HYCC2: variants seen among roughly 807,000 people sequenced by gnomAD.
HYCC2 encodes hyccin PI4KA lipid kinase complex subunit 2.
At chr2:200,985,506 C>CA in the HYCC2 span, among the ~76,000 whole-genome samples, 1 of 151,806 alleles carries the variant, frequency 6.6e-6, no homozygotes, top group Admixed American at 6.6e-5. Context: ...ACTAAAAATA[C>CA]AAAAAAACTA....
chr2:200,988,252 T>C, the HYCC2 span: 2 of 1,598,854 alleles, frequency 1.3e-6, no homozygotes, highest in Non-Finnish European at 1.7e-6. Context: ...TATGGGGATT[T>C]TGTACTCACC....
the HYCC2 span, among the ~76,000 whole-genome samples, chr2:201,055,567 T>G: frequency 6.6e-6 from 1 of 151,980 alleles, no homozygotes; most frequent in Non-Finnish European, 1.5e-5. Context: ...GCCATGGTAG[T>G]GAGCACCTAT....
chr2:201,038,491 C>T, the HYCC2 span, among the ~76,000 whole-genome samples: 1 of 152,122 alleles, frequency 6.6e-6, no homozygotes, highest in African/African-American at 2.4e-5. Context: ...TTGGAACCAA[C>T]CCAAATGTCC....
chr2:201,069,856 G>GA, the HYCC2 span, among the ~76,000 whole-genome samples: 14 of 152,060 alleles, frequency 9.2e-5, no homozygotes, highest in South Asian at 2.1e-4. Flanking sequence ...AAATTTTTGA[G>GA]AAAAAATGAA....
At chr2:200,993,090 T>G in the HYCC2 span, 1 of 943,992 alleles carries the variant, frequency 1.1e-6, no homozygotes, top group East Asian at 2.4e-5. Context: ...ATTCAATTTA[T>G]TCATTCCTCA....
chr2:201,052,910 C>T, the HYCC2 span, among the ~76,000 whole-genome samples: 1 of 152,154 alleles, frequency 6.6e-6, no homozygotes, highest in Admixed American at 6.5e-5. Flanking sequence ...GATCAGCACA[C>T]TGTGTGTGTG....
the HYCC2 span, chr2:200,997,648 A>C: frequency 1.5e-6 from 1 of 667,406 alleles, no homozygotes; most frequent in Non-Finnish European, 2.7e-6. Context: ...TAATCAAATC[A>C]ATATAGCATC....
At chr2:201,064,006 C>T in the HYCC2 span, 91 of 1,596,562 alleles carry the variant, frequency 5.7e-5, no homozygotes, top group Middle Eastern at 1.9e-4. Flanking sequence ...GTGGCTATGG[C>T]GGTTCCAGCA....
chr2:200,975,529 A>G, the HYCC2 span: 5 of 152,072 alleles, frequency 3.3e-5, no homozygotes, highest in Non-Finnish European at 7.4e-5. Flanking sequence ...GCTACACCTA[A>G]TTCCATTTTT....
At chr2:201,060,043 T>TAA in the HYCC2 span, among the ~76,000 whole-genome samples, 1 of 52,242 alleles carries the variant, frequency 1.9e-5, no homozygotes, top group Non-Finnish European at 3.7e-5. Context: ...AAACTCTGTC[T>TAA]AAAAAAAAAG....
chr2:201,016,930 T>A, the HYCC2 span: 2 of 1,499,898 alleles, frequency 1.3e-6, no homozygotes, highest in East Asian at 2.3e-5. Flanking sequence ...ATTCCTTAAG[T>A]ATTATTTCAG....
At chr2:201,069,111 T>A in the HYCC2 span, among the ~76,000 whole-genome samples, 1 of 152,228 alleles carries the variant, frequency 6.6e-6, no homozygotes, top group Admixed American at 6.5e-5. Context: ...CATTGGTTTT[T>A]CTATAAGACT....
At chr2:201,038,053 A>T in the HYCC2 span, among the ~76,000 whole-genome samples, 2 of 152,210 alleles carry the variant, frequency 1.3e-5, no homozygotes, top group African/African-American at 4.8e-5. Context: ...CAAGAAAAAA[A>T]CAAACAACCC....
the HYCC2 span, chr2:201,008,825 G>A: frequency 5.4e-6 from 3 of 556,020 alleles, no homozygotes; most frequent in Non-Finnish European, 6.6e-6. Context: ...TTAAGCCTGG[G>A]AGGTCAAGGC....
At chr2:201,031,960 T>C in the HYCC2 span, among the ~76,000 whole-genome samples, 3 of 152,134 alleles carry the variant, frequency 2.0e-5, no homozygotes, top group Admixed American at 6.6e-5. Flanking sequence ...ACCATTTTAT[T>C]TTATTTTATT....
chr2:201,061,568 T>C, the HYCC2 span: 3 of 151,946 alleles, frequency 2.0e-5, no homozygotes, highest in Admixed American at 1.3e-4. Flanking sequence ...CTATTTATAC[T>C]TCATAAATAC....
At chr2:200,992,220 T>C in the HYCC2 span, 1 of 1,034,416 alleles carries the variant, frequency 9.7e-7, no homozygotes, top group South Asian at 1.3e-5. Flanking sequence ...TCTTACATTT[T>C]TAACCTAGTA....
At chr2:200,985,871 G>A in the HYCC2 span, among the ~76,000 whole-genome samples, 1 of 151,848 alleles carries the variant, frequency 6.6e-6, no homozygotes, top group African/African-American at 2.4e-5. Flanking sequence ...TGTATGACTC[G>A]ATGTACTGGA....
the HYCC2 span, among the ~76,000 whole-genome samples, chr2:201,015,182 G>GA: frequency 1.3e-5 from 2 of 152,196 alleles, no homozygotes; most frequent in Non-Finnish European, 2.9e-5. Flanking sequence ...CACTGCGCAA[G>GA]AAAAGGTGCC....
Sources: allele counts gnomAD v4.1 joint callset (sites outside exome capture counted in the v4.1 genomes callset), GRCh38; gene constraint gnomAD v4.1.1; transcripts MANE v1.5; gene names NCBI Gene and HGNC (gene_info 2026-07-23, HGNC 2026-07-21).